The following NEDD4L variants were observed in gnomAD, a reference collection of about 807,000 sequenced individuals.
The protein encoded by NEDD4L is E3 ubiquitin-protein ligase NEDD4-like.
NEDD4L carries 54 observed loss-of-function variants against 148.9 expected under a neutral mutation model. The observed-to-expected ratio is 0.36, with a 90% CI of 0.29 to 0.45. The LOEUF is 0.45. Among genes scored for constraint, NEDD4L ranks in the 20% least tolerant of loss-of-function variants. The pLI, the probability that NEDD4L is intolerant of heterozygous loss-of-function variation, is 1.00. For missense variants in NEDD4L, 856 were observed against 1,233.8 expected, an observed-to-expected ratio of 0.69 and a Z score of 4.59; for synonymous variants, 433 against 440.7, an observed-to-expected ratio of 0.98 and a Z score of 0.22.
chr18:58,352,420 C>T (rs1451632063), intron 18 of NEDD4L, among the ~76,000 whole-genome samples: 4 of 152,004 alleles, frequency 2.6e-5, no homozygotes, highest in Non-Finnish European at 5.9e-5. Flanking sequence ...TTTGGGAGGC[C>T]GAGGTGGGAG....
chr18:58,338,086 C>G (rs1024709376), intron 13 of NEDD4L, among the ~76,000 whole-genome samples: 2 of 152,184 alleles, frequency 1.3e-5, no homozygotes, highest in Non-Finnish European at 2.9e-5. Flanking sequence ...ATTGAAACTT[C>G]TGCAGTTTAC....
At chr18:58,072,870 GCGCACACACA>G (rs59692742) in intron 1 of NEDD4L, among the ~76,000 whole-genome samples, 5,492 of 106,368 alleles carry the variant, frequency 0.052, 329 homozygotes, top group African/African-American at 0.17. Context: ...GCGCGCGCGC[GCGCACACACA>G]CACACACACA....
At chr18:58,258,960 A>T (rs2048978131) in intron 5 of NEDD4L, among the ~76,000 whole-genome samples, 1 of 152,112 alleles carries the variant, frequency 6.6e-6, no homozygotes, top group East Asian at 1.9e-4. Flanking sequence ...TCAAATATCC[A>T]CTGCTTTGGT....
chr18:58,317,406 T>C (rs1192501248), intron 6 of NEDD4L, among the ~76,000 whole-genome samples: 1 of 152,210 alleles, frequency 6.6e-6, no homozygotes, highest in African/African-American at 2.4e-5. Flanking sequence ...TCTCACACTT[T>C]TAGACAGTGT....
intron 1 of NEDD4L, among the ~76,000 whole-genome samples, chr18:58,094,770 C>T (rs1029985331): frequency 7.2e-5 from 11 of 152,036 alleles, no homozygotes; most frequent in Non-Finnish European, 1.5e-4. Flanking sequence ...GCATAGGTGG[C>T]GGCACCTTGA....
At chr18:58,264,653 G>T (rs2049958019) in intron 5 of NEDD4L, among the ~76,000 whole-genome samples, 2 of 151,944 alleles carry the variant, frequency 1.3e-5, no homozygotes, top group Admixed American at 1.3e-4. Context: ...GCAGACATTT[G>T]TGGCATCTGT....
chr18:58,057,375 G>A (rs566211631), intron 1 of NEDD4L, among the ~76,000 whole-genome samples: 1 of 152,222 alleles, frequency 6.6e-6, no homozygotes, highest in South Asian at 2.1e-4. Flanking sequence ...TGGAAAAGGG[G>A]AAAATAAGAC....
At chr18:58,331,736 A>G (rs2059805086) in intron 11 of NEDD4L, among the ~76,000 whole-genome samples, 1 of 152,230 alleles carries the variant, frequency 6.6e-6, no homozygotes, top group Non-Finnish European at 1.5e-5. Context: ...CACTCCACTG[A>G]AAATGGCATC....
chr18:58,117,239 C>T (rs2085905689), intron 1 of NEDD4L, among the ~76,000 whole-genome samples: 1 of 152,218 alleles, frequency 6.6e-6, no homozygotes, highest in Non-Finnish European at 1.5e-5. Context: ...AGTAGAATAC[C>T]TCCAGGCCCA....
intron 2 of NEDD4L, among the ~76,000 whole-genome samples, chr18:58,225,419 C>T (rs2044247084): frequency 6.6e-6 from 1 of 152,242 alleles, no homozygotes; most frequent in South Asian, 2.1e-4. Context: ...GGAGCAGCCC[C>T]AGCCGCTTCA....
intron 5 of NEDD4L, among the ~76,000 whole-genome samples, chr18:58,307,309 C>T (rs763224420): frequency 6.6e-6 from 1 of 152,202 alleles, no homozygotes; most frequent in Non-Finnish European, 1.5e-5. Flanking sequence ...TAGCAGGACT[C>T]CAGCTTGGTG....
At chr18:58,254,560 C>A (rs543578858) in intron 5 of NEDD4L, among the ~76,000 whole-genome samples, 507 of 111,560 alleles carry the variant, frequency 4.5e-3, no homozygotes, top group Middle Eastern at 4.6e-3. Flanking sequence ...AAATTATTAC[C>A]AAAAAAAAAA....
At chr18:58,212,035 A>G (rs1017436052) in intron 2 of NEDD4L, among the ~76,000 whole-genome samples, 2 of 152,230 alleles carry the variant, frequency 1.3e-5, no homozygotes, top group Admixed American at 1.3e-4. Flanking sequence ...AAATATAAGA[A>G]CCTATTTTGT....
At chr18:58,258,514 C>A (rs1600341105) in intron 5 of NEDD4L, among the ~76,000 whole-genome samples, 1 of 152,084 alleles carries the variant, frequency 6.6e-6, no homozygotes, top group East Asian at 1.9e-4. Context: ...AATTAGAAAA[C>A]AAATCGAATA....
chr18:58,122,131 T>G (rs1400839758), intron 1 of NEDD4L, among the ~76,000 whole-genome samples: 1 of 152,220 alleles, frequency 6.6e-6, no homozygotes, highest in Non-Finnish European at 1.5e-5. Flanking sequence ...GCCCTAGGGC[T>G]GGGGTGGAAG....
chr18:58,266,665 T>A (rs2050260569), intron 5 of NEDD4L, among the ~76,000 whole-genome samples: 1 of 152,170 alleles, frequency 6.6e-6, no homozygotes, highest in Non-Finnish European at 1.5e-5. Flanking sequence ...TGTTGTGTTG[T>A]GCCAATAGAA....
chr18:58,109,589 T>TTTTTTA (rs2085296170), intron 1 of NEDD4L, among the ~76,000 whole-genome samples: 1 of 149,558 alleles, frequency 6.7e-6, no homozygotes. Context: ...TTTTTTTTTT[T>TTTTTTA]GAGACGGAGT....
At chr18:58,308,608 A>G (rs1434168587) in intron 5 of NEDD4L, among the ~76,000 whole-genome samples, 1 of 152,250 alleles carries the variant, frequency 6.6e-6, no homozygotes, top group Admixed American at 6.5e-5. Context: ...AAAGGCGGTG[A>G]CCATCAGGGT....
chr18:58,111,420 A>AC (rs2085412903), intron 1 of NEDD4L, among the ~76,000 whole-genome samples: 1 of 151,526 alleles, frequency 6.6e-6, no homozygotes, highest in South Asian at 2.1e-4. Context: ...TATAACCATC[A>AC]CCCCCCAGTT....
Sources: gnomAD v4.1 joint callset for allele counts (sites outside exome capture counted in the v4.1 genomes callset) on GRCh38, gnomAD v4.1.1 for gene constraint, MANE v1.5 for transcripts, NCBI Gene and HGNC (gene_info 2026-07-23, HGNC 2026-07-21) for gene names.